Variants in OR51B5 observed in about 807,000 individuals in gnomAD.
OR51B5 encodes the protein olfactory receptor 51B5.
For missense variants in OR51B5, 456 were observed against 374.6 expected (o/e 1.22, Z -1.79); for synonymous variants, 186 against 144.8 (o/e 1.28, Z -2.04).
intron 1 of OR51B5, among the ~76,000 whole-genome samples, chr11:5,460,386 C>T (rs11037548): frequency 0.053 from 8,106 of 152,184 alleles, 737 homozygotes; most frequent in African/African-American, 0.18. Context: ...TACCCTTGAA[C>T]GTAAAAGTTT....
At chr11:5,416,830 A>G (rs1850252198) in intron 1 of OR51B5, among the ~76,000 whole-genome samples, 2 of 151,936 alleles carry the variant, frequency 1.3e-5, no homozygotes, top group South Asian at 4.2e-4. Flanking sequence ...AAGAATCAAT[A>G]TTGTGACAAT....
chr11:5,350,870 C>G (rs953695395), intron 1 of OR51B5, among the ~76,000 whole-genome samples: 1 of 152,210 alleles, frequency 6.6e-6, no homozygotes, highest in Non-Finnish European at 1.5e-5. Flanking sequence ...CATTTTCTAA[C>G]TACCCAAAAG....
chr11:5,473,914 AC>A (rs899375107), intron 1 of OR51B5, among the ~76,000 whole-genome samples: 4 of 151,588 alleles, frequency 2.6e-5, no homozygotes, highest in Non-Finnish European at 5.9e-5. Context: ...GAGAGTGTGC[AC>A]GGGAAAGTAC....
chr11:5,372,817 C>T (rs766794130), intron 1 of OR51B5, among the ~76,000 whole-genome samples: 11 of 152,052 alleles, frequency 7.2e-5, no homozygotes, highest in Non-Finnish European at 1.6e-4. Flanking sequence ...TTACAGAAAA[C>T]AATTTGAAAA....
intron 1 of OR51B5, chr11:5,456,354 T>C (rs964819887): frequency 1.3e-5 from 2 of 152,138 alleles, no homozygotes; most frequent in African/African-American, 4.8e-5. Context: ...CACATTTATA[T>C]TTTTCCCTCC....
At chr11:5,415,772 T>C (rs1001100603) in intron 1 of OR51B5, among the ~76,000 whole-genome samples, 15 of 152,074 alleles carry the variant, frequency 9.9e-5, no homozygotes, top group Non-Finnish European at 1.9e-4. Flanking sequence ...GCTGAAATTG[T>C]GGCAATAATC....
chr11:5,463,592 A>C (rs1851091417), intron 1 of OR51B5, among the ~76,000 whole-genome samples: 1 of 152,178 alleles, frequency 6.6e-6, no homozygotes, highest in South Asian at 2.1e-4. Flanking sequence ...GAGTGGATAT[A>C]ATTCTGGTGG....
At chr11:5,437,360 G>T (rs961780880) in intron 1 of OR51B5, among the ~76,000 whole-genome samples, 10 of 152,114 alleles carry the variant, frequency 6.6e-5, no homozygotes, top group Non-Finnish European at 1.3e-4. Flanking sequence ...ACATCTCAGA[G>T]ACTGGAGCTT....
At chr11:5,389,878 C>T (rs368642287) in intron 1 of OR51B5, 82 of 1,613,186 alleles carry the variant, frequency 5.1e-5, no homozygotes, top group Non-Finnish European at 6.4e-5. Flanking sequence ...GCCTAATTGT[C>T]ATCTTCCGGG....
chr11:5,412,355 G>C lies in OR51B5; in HGVS notation n.85-65445C>G, dbSNP rs529943743. 7.2e-5 allele frequency among the ~76,000 whole-genome samples: 11 copies of C among 152,324 alleles called. No individual in the cohort carries two copies. In the South Asian group the frequency reaches 2.1e-3, roughly 29 times the overall value. On this transcript the variant is annotated intron_variant and non_coding_transcript_variant, in intron 1 of 4. Transcript: ENST00000415970. ...ACAGGTCCAGTCTACAGCTCCCAGC[G>C]TGAGCGATGCAGAAGACGGGTGATT...
intron 1 of OR51B5, among the ~76,000 whole-genome samples, chr11:5,377,251 A>C (rs1388592259): frequency 1.3e-5 from 2 of 152,158 alleles, no homozygotes; most frequent in Non-Finnish European, 2.9e-5. Context: ...CCTTTGACAA[A>C]ATTCAACAAC....
intron 1 of OR51B5, among the ~76,000 whole-genome samples, chr11:5,460,238 G>A (rs1161154249): frequency 6.6e-6 from 1 of 152,148 alleles, no homozygotes; most frequent in East Asian, 1.9e-4. Context: ...GGGGCCTACT[G>A]GAGGGTGAAG....
chr11:5,368,382 T>C (rs1283256806), intron 1 of OR51B5, among the ~76,000 whole-genome samples: 2 of 152,216 alleles, frequency 1.3e-5, no homozygotes, highest in Admixed American at 6.5e-5. Flanking sequence ...CATGGTTGAA[T>C]TATTTTAATG....
chr11:5,393,806 T>C (rs546233150), intron 1 of OR51B5, among the ~76,000 whole-genome samples: 1 of 152,236 alleles, frequency 6.6e-6, no homozygotes, highest in Admixed American at 6.5e-5. Flanking sequence ...AAAGCAACTT[T>C]CCTTAGTTAA....
intron 1 of OR51B5, among the ~76,000 whole-genome samples, chr11:5,353,384 G>A (rs182465471): frequency 6.6e-6 from 1 of 152,260 alleles, no homozygotes; most frequent in East Asian, 1.9e-4. Context: ...TGAGAGGTCT[G>A]GTTTAGGGGA....
chr11:5,374,675 A>C (rs566771942), intron 1 of OR51B5, among the ~76,000 whole-genome samples: 2 of 152,348 alleles, frequency 1.3e-5, no homozygotes, highest in African/African-American at 4.8e-5. Context: ...CTCGAGAATG[A>C]CGTGAAGAAT....
intron 1 of OR51B5, chr11:5,355,219 AAGTTTGAAG>A (rs1849172591): frequency 5.7e-6 from 1 of 174,492 alleles, no homozygotes; most frequent in Non-Finnish European, 1.2e-5. Context: ...AGCATAGAGA[AAGTTTGAAG>A]AGTTTAATGG....
At chr11:5,378,153 G>A (rs1007639968) in intron 1 of OR51B5, among the ~76,000 whole-genome samples, 7 of 151,420 alleles carry the variant, frequency 4.6e-5, no homozygotes, top group East Asian at 3.9e-4. Flanking sequence ...CAGAAATAAC[G>A]ACGCATATCT....
In OR51B5 at chr11:5,447,007, TAGA is replaced by T. The variant is rs199806745; in HGVS notation, n.84+58559_84+58561del. ...TTTGTACAACAGAATCTCTACTCCCTAGAACTCTAAAACATCAATTACTTTCAT... is the reference window on the plus strand; with the variant it reads ...TTTGTACAACAGAATCTCTACTCCCTACTCTAAAACATCAATTACTTTCAT... On this transcript the variant is annotated intron_variant and non_coding_transcript_variant, in intron 1 of 4. Coordinates refer to the OR51B5 transcript ENST00000415970. 6.2e-3 allele frequency among the ~76,000 whole-genome samples: 942 copies of T among 152,306 alleles called. 26 individuals are homozygous for T. The highest frequency in any genetic ancestry group is 0.048 in the Admixed American group (728 of 15,294).
Sources: gnomAD v4.1 joint callset for allele counts (sites outside exome capture counted in the v4.1 genomes callset) on GRCh38, gnomAD v4.1.1 for gene constraint, MANE v1.5 for transcripts, NCBI Gene and HGNC (gene_info 2026-07-23, HGNC 2026-07-21) for gene names.